The following NBAS variants were observed in gnomAD, a reference collection of about 807,000 sequenced individuals.
The protein encoded by NBAS is NAG/BC035112 fusion.
Under a neutral mutation model 302.5 loss-of-function variants are expected in NBAS, and 219 were observed. That is an observed-to-expected ratio of 0.72 (90% CI 0.65 to 0.81). The LOEUF (loss-of-function observed/expected upper bound fraction) is 0.81. Among genes scored for constraint, NBAS ranks in the 30% least tolerant of loss-of-function variants. The pLI is 0.00. For synonymous variants in NBAS, 1,118 were observed against 1,021.6 expected, an observed-to-expected ratio of 1.09 and a Z score of -1.80; for missense variants, 2,932 against 2,841.6, an observed-to-expected ratio of 1.03 and a Z score of -0.72.
chr2:15,239,200 T>G (rs1221564560), intron 44 of NBAS, among the ~76,000 whole-genome samples: 1 of 152,070 alleles, frequency 6.6e-6, no homozygotes, highest in Non-Finnish European at 1.5e-5. Context: ...TCCAAACATT[T>G]TGGAATATGT....
chr2:15,530,883 AG>A (rs199852511), intron 9 of NBAS, among the ~76,000 whole-genome samples: 2 of 151,188 alleles, frequency 1.3e-5, no homozygotes, highest in African/African-American at 2.4e-5. Context: ...TCAGAACGCC[AG>A]GGGAAAAAAA....
chr2:15,152,101 C>T, the NBAS span, among the ~76,000 whole-genome samples: 3,683 of 152,224 alleles, frequency 0.024, 75 homozygotes, highest in East Asian at 0.089. Flanking sequence ...CCGCCTGCCT[C>T]GGCCTCCCAA....
At chr2:15,423,810 G>A (rs776923527) in intron 23 of NBAS, among the ~76,000 whole-genome samples, 10 of 152,166 alleles carry the variant, frequency 6.6e-5, no homozygotes, top group African/African-American at 1.4e-4. Flanking sequence ...CAGTATAATC[G>A]TCATCTCTCT....
the NBAS span, among the ~76,000 whole-genome samples, chr2:15,027,444 CAAATTAGAGA>C: frequency 1.7e-5 from 1 of 60,116 alleles, no homozygotes; most frequent in African/African-American, 6.4e-5. Context: ...TTTTCCATAT[CAAATTAGAGA>C]AAAGTCATTA....
chr2:15,322,991 G>T (rs1181331005), intron 38 of NBAS, among the ~76,000 whole-genome samples: 1 of 152,092 alleles, frequency 6.6e-6, no homozygotes, highest in Middle Eastern at 3.2e-3. Flanking sequence ...AATATAAATT[G>T]TAAGTGCTCT....
At chr2:14,789,123 G>C in the NBAS span, among the ~76,000 whole-genome samples, 1 of 152,338 alleles carries the variant, frequency 6.6e-6, no homozygotes, top group Non-Finnish European at 1.5e-5. Context: ...CGTGGGCATA[G>C]GACCCTCTGA....
At chr2:15,121,593 A>T in the NBAS span, among the ~76,000 whole-genome samples, 1 of 152,224 alleles carries the variant, frequency 6.6e-6, no homozygotes, top group African/African-American at 2.4e-5. Flanking sequence ...ATTCATCACT[A>T]ACTGAAATTT....
At chr2:15,551,600 C>G in intron 5 of NBAS, 64 bp from the exon 6 acceptor site, 1 of 1,256,594 alleles carries the variant, frequency 8.0e-7, no homozygotes, top group South Asian at 1.3e-5. Context: ...CATAAAATAC[C>G]AGATACTGTG....
At chr2:15,047,221 C>T in the NBAS span, among the ~76,000 whole-genome samples, 1 of 152,208 alleles carries the variant, frequency 6.6e-6, no homozygotes, top group Non-Finnish European at 1.5e-5. Context: ...TGTTTTATTG[C>T]CTGAATATAG....
At chr2:14,810,704 C>T in the NBAS span, among the ~76,000 whole-genome samples, 1 of 152,146 alleles carries the variant, frequency 6.6e-6, no homozygotes, top group Admixed American at 6.5e-5. Context: ...TAGTGCCAAG[C>T]TTCCAGGGCT....
chr2:15,250,668 TC>T (rs762945188), intron 44 of NBAS, among the ~76,000 whole-genome samples: 3 of 152,122 alleles, frequency 2.0e-5, no homozygotes, highest in Non-Finnish European at 4.4e-5. Flanking sequence ...CAGACACATC[TC>T]AAAAGTAGAC....
intron 44 of NBAS, among the ~76,000 whole-genome samples, chr2:15,247,724 C>CTATATATA (rs1190946452): frequency 6.1e-5 from 9 of 148,014 alleles, no homozygotes; most frequent in Non-Finnish European, 1.2e-4. Flanking sequence ...CTATATATAC[C>CTATATATA]TCTATCTATA....
At chr2:15,352,212 A>G in intron 34 of NBAS, 131 bp from the exon 35 acceptor site, 1 of 679,938 alleles carries the variant, frequency 1.5e-6, no homozygotes, top group Non-Finnish European at 2.6e-6. Flanking sequence ...AGTTTTGGTA[A>G]CAGGCTTACT....
intron 51 of NBAS, among the ~76,000 whole-genome samples, chr2:15,173,721 G>A (rs927122225): frequency 1.3e-5 from 2 of 152,032 alleles, no homozygotes; most frequent in African/African-American, 2.4e-5. Context: ...ACAACGAGAC[G>A]GAGACAATCT....
At chr2:14,906,768 C>T in the NBAS span, among the ~76,000 whole-genome samples, 1 of 152,190 alleles carries the variant, frequency 6.6e-6, no homozygotes, top group African/African-American at 2.4e-5. Flanking sequence ...ATTCCAAGCT[C>T]AGTCCTCAAC....
intron 21 of NBAS, among the ~76,000 whole-genome samples, chr2:15,440,224 C>G (rs2148511322): frequency 1.3e-5 from 2 of 152,350 alleles, no homozygotes; most frequent in Middle Eastern, 6.8e-3. Flanking sequence ...TCCCTGACCC[C>G]TGACCCCCGA....
rs768089110 is a variant in NBAS at position 15,511,172 on chromosome 2, A to G, written c.885+40T>C. The stretch of plus-strand genomic sequence containing the variant: ...TGTCTAAGACAAATAGCACAGTGAA[A>G]TGACACATAGCAAAGTGAAGTGCCA... On this transcript the variant is annotated intron_variant, in intron 10 of 51. Transcript: ENST00000281513. The G allele has an allele frequency of 1.9e-6, 3 of 1,612,996 alleles. No homozygotes were observed. In the South Asian group the frequency reaches 3.3e-5, roughly 18 times the overall value.
intron 12 of NBAS, among the ~76,000 whole-genome samples, chr2:15,485,276 T>A (rs1680576025): frequency 6.6e-6 from 1 of 151,684 alleles, no homozygotes; most frequent in Non-Finnish European, 1.5e-5. Context: ...ATAAAAAGAA[T>A]CAATGTAAAA....
intron 38 of NBAS, among the ~76,000 whole-genome samples, chr2:15,324,808 C>A (rs186115044): frequency 6.6e-6 from 1 of 152,292 alleles, no homozygotes; most frequent in East Asian, 1.9e-4. Context: ...AAGTATGTTT[C>A]TCCCACTCCC....
Sources: allele counts gnomAD v4.1 joint callset (sites outside exome capture counted in the v4.1 genomes callset), GRCh38; gene constraint gnomAD v4.1.1; transcripts MANE v1.5; gene names NCBI Gene and HGNC (gene_info 2026-07-23, HGNC 2026-07-21).